METTL16: variants seen among roughly 807,000 people sequenced by gnomAD.
The protein encoded by METTL16 is RNA N(6)-adenosine-methyltransferase METTL16.
In METTL16, 19 loss-of-function variants were observed where a neutral mutation model predicts 57.9. The observed-to-expected ratio is 0.33, with a 90% confidence interval of 0.23 to 0.48. The LOEUF (loss-of-function observed/expected upper bound fraction) is 0.48, where lower values mean the gene tolerates loss of function less well. Ranked by LOEUF, METTL16 falls within the 20% of genes least tolerant of loss-of-function variation. The pLI is 0.99. For synonymous variants in METTL16, 246 were observed against 255.6 expected (o/e 0.96, Z 0.36); for missense variants, 434 against 691.5 (o/e 0.63, Z 4.18).
At chr17:2,426,879 A>C (rs903493286) in intron 8 of METTL16, among the ~76,000 whole-genome samples, 2 of 151,874 alleles carry the variant, frequency 1.3e-5, no homozygotes, top group Non-Finnish European at 2.9e-5. Flanking sequence ...TCATGCCTGC[A>C]ATCCCAGCAC....
intron 6 of METTL16, among the ~76,000 whole-genome samples, chr17:2,451,552 C>T (rs760282407): frequency 1.1e-4 from 16 of 150,378 alleles, no homozygotes; most frequent in Non-Finnish European, 1.8e-4. Flanking sequence ...ACCCAGGAGG[C>T]GGAGGTTGCA....
chr17:2,441,810 A>G (rs1391452571), intron 6 of METTL16, among the ~76,000 whole-genome samples: 4 of 152,224 alleles, frequency 2.6e-5, no homozygotes, highest in Non-Finnish European at 5.9e-5. Flanking sequence ...CTTCAGGGCT[A>G]TGTATTAAAT....
At chr17:2,507,503 G>C (rs1192225075) in intron 1 of METTL16, among the ~76,000 whole-genome samples, 3 of 145,624 alleles carry the variant, frequency 2.1e-5, no homozygotes, top group Non-Finnish European at 4.5e-5. Context: ...GGAGGGAGGT[G>C]GGGGGGTCAG....
Position 2,417,448 on chromosome 17 carries a change from C to A in METTL16, c.*2522G>T, listed in dbSNP as rs1330988774. On this transcript the variant is annotated 3_prime_UTR_variant, in exon 10 of 10. Transcript: ENST00000263092. Reference sequence around the variant, plus strand: ...TGACATGAAGCCTTAAACCTAGGGACAGAAACACACTGAGACACAGAAACA... The same window carrying A: ...TGACATGAAGCCTTAAACCTAGGGAAAGAAACACACTGAGACACAGAAACA... The A allele has an allele frequency of 6.6e-6, 1 of 152,112 alleles. No homozygotes were observed. The highest frequency in any genetic ancestry group is 6.5e-5 in the Admixed American group (1 of 15,268). The allele number at this position is 152,112 out of a possible 1,614,324, so 9.4% of individuals were successfully genotyped here.
intron 2 of METTL16, among the ~76,000 whole-genome samples, chr17:2,497,187 G>A (rs1175161613): frequency 6.6e-6 from 1 of 150,900 alleles, no homozygotes; most frequent in Non-Finnish European, 1.5e-5. Context: ...TGTATTTTTA[G>A]TAGAGACGGG....
chr17:2,461,703 A>G (rs2067151298), intron 6 of METTL16, among the ~76,000 whole-genome samples: 1 of 151,122 alleles, frequency 6.6e-6, no homozygotes, highest in Admixed American at 6.6e-5. Flanking sequence ...CAGCCTCCCG[A>G]GTAGCTGGGA....
intron 3 of METTL16, 146 bp from the exon 4 acceptor site, chr17:2,473,810 T>C: frequency 1.3e-6 from 1 of 781,458 alleles, no homozygotes; most frequent in Non-Finnish European, 1.9e-6. Flanking sequence ...GTGATCACGG[T>C]TCACTGCAGC....
chr17:2,487,205 C>A (rs578052407), intron 2 of METTL16, among the ~76,000 whole-genome samples: 2 of 151,948 alleles, frequency 1.3e-5, no homozygotes, highest in Admixed American at 6.6e-5. Context: ...GCGGTGCCAC[C>A]CTAACTGAAG....
In METTL16 at chr17:2,491,604, G is replaced by A. The variant is rs534593255; in HGVS notation, c.128+10600C>T. Among the ~76,000 whole-genome samples the A allele has an allele frequency of 1.3e-3, 196 of 152,084 alleles. 3 individuals carry two copies. The highest frequency in any genetic ancestry group is 9.8e-4 in the Admixed American group (15 of 15,264). ...AAAAACAAATCAGTTGGCCGGGCAC[G>A]GTGGCTCACACCTGTAATGTCAGCA... On this transcript the variant is annotated intron_variant, in intron 2 of 9. Coordinates refer to ENST00000263092, the MANE Select transcript of METTL16 (RefSeq NM_024086.4).
At chr17:2,457,815 C>G (rs963039741) in intron 6 of METTL16, among the ~76,000 whole-genome samples, 36 of 152,010 alleles carry the variant, frequency 2.4e-4, no homozygotes, top group Non-Finnish European at 2.2e-4. Flanking sequence ...GAGATAGCTA[C>G]TATCATTCCA....
chr17:2,453,856 A>G (rs1338480465), intron 6 of METTL16, among the ~76,000 whole-genome samples: 3 of 152,178 alleles, frequency 2.0e-5, no homozygotes, highest in South Asian at 2.1e-4. Flanking sequence ...TGGTATTTCA[A>G]CCTCATACAC....
At chr17:2,487,458 A>AT (rs2067352212) in intron 2 of METTL16, among the ~76,000 whole-genome samples, 1 of 152,242 alleles carries the variant, frequency 6.6e-6, no homozygotes, top group Non-Finnish European at 1.5e-5. Flanking sequence ...ATGCACAGTC[A>AT]TTACAGAGGA....
intron 5 of METTL16, among the ~76,000 whole-genome samples, chr17:2,466,739 T>C (rs1220977610): frequency 6.6e-6 from 1 of 152,206 alleles, no homozygotes; most frequent in Admixed American, 6.5e-5. Flanking sequence ...GAATGCTATG[T>C]AAAAATAGTG....
intron 2 of METTL16, among the ~76,000 whole-genome samples, chr17:2,489,746 A>AAAAAAAAAAC (rs1305425330): frequency 6.6e-6 from 1 of 150,530 alleles, no homozygotes; most frequent in Non-Finnish European, 1.5e-5. Flanking sequence ...AAAAAAAAAA[A>AAAAAAAAAAC]AAACGAATAC....
intron 6 of METTL16, among the ~76,000 whole-genome samples, chr17:2,459,450 G>T (rs187606108): frequency 6.6e-6 from 1 of 152,290 alleles, no homozygotes; most frequent in Admixed American, 6.5e-5. Flanking sequence ...CAGGGGAGGC[G>T]AGGCATCACA....
intron 6 of METTL16, among the ~76,000 whole-genome samples, chr17:2,446,857 G>T (rs1307745781): frequency 1.3e-5 from 2 of 152,124 alleles, no homozygotes; most frequent in African/African-American, 4.8e-5. Flanking sequence ...TGCCGGGATT[G>T]CGGATGGAGT....
chr17:2,494,353 G>C (rs1407780957), intron 2 of METTL16, among the ~76,000 whole-genome samples: 1 of 152,034 alleles, frequency 6.6e-6, no homozygotes, highest in African/African-American at 2.4e-5. Context: ...GTACATGGTA[G>C]GTATATATAT....
chr17:2,440,970 C>CAAAAAAAAAAAA (rs760521188), intron 7 of METTL16, among the ~76,000 whole-genome samples: 23 of 33,994 alleles, frequency 6.8e-4, no homozygotes, highest in South Asian at 1.2e-3. Context: ...GACTTGATCT[C>CAAAAAAAAAAAA]AAAAAAAAAA....
intron 1 of METTL16, among the ~76,000 whole-genome samples, chr17:2,506,435 G>A (rs1376595077): frequency 2.6e-5 from 4 of 151,830 alleles, no homozygotes; most frequent in Admixed American, 2.6e-4. Flanking sequence ...GCAGGCGCAC[G>A]CCGCCACGCC....
Sources: gnomAD v4.1 joint callset for allele counts (sites outside exome capture counted in the v4.1 genomes callset) on GRCh38, gnomAD v4.1.1 for gene constraint, MANE v1.5 for transcripts, NCBI Gene and HGNC (gene_info 2026-07-23, HGNC 2026-07-21) for gene names.